The following ASXL2 variants were observed in gnomAD, a reference collection of about 807,000 sequenced individuals.
ASXL2 encodes putative Polycomb group protein ASXL2.
ASXL2 carries 23 observed loss-of-function variants against 122.0 expected under a neutral mutation model. The ratio of observed to expected loss-of-function variants is 0.19; its 90% CI spans 0.14 to 0.27. The LOEUF is 0.27. Among genes scored for constraint, ASXL2 ranks in the 10% least tolerant of loss-of-function variants. The pLI is 1.00. For missense variants in ASXL2, 1,518 were observed against 1,713.8 expected (o/e 0.89, Z 2.02); for synonymous variants, 650 against 637.0 (o/e 1.02, Z -0.31).
At chr2:25,842,108 G>A (rs1363949325) in intron 2 of ASXL2, among the ~76,000 whole-genome samples, 1 of 146,712 alleles carries the variant, frequency 6.8e-6, no homozygotes, top group Non-Finnish European at 1.5e-5. Flanking sequence ...GCAAAACTCT[G>A]TCTCAAAAAA....
intron 8 of ASXL2, among the ~76,000 whole-genome samples, chr2:25,761,534 T>G (rs2088243718): frequency 6.6e-6 from 1 of 151,412 alleles, no homozygotes; most frequent in African/African-American, 2.4e-5. Context: ...TCAGCCGGGC[T>G]TGGTGGTGCG....
chr2:25,873,450 A>C (rs1305074656), intron 1 of ASXL2, among the ~76,000 whole-genome samples: 1 of 152,016 alleles, frequency 6.6e-6, no homozygotes, highest in Non-Finnish European at 1.5e-5. Flanking sequence ...TTCCTATATC[A>C]AAGTAATTAG....
intron 1 of ASXL2, among the ~76,000 whole-genome samples, chr2:25,867,922 C>T (rs1574456293): frequency 6.6e-6 from 1 of 152,222 alleles, no homozygotes; most frequent in African/African-American, 2.4e-5. Context: ...CCTGCTCTAT[C>T]ATACTCCCAA....
Position 25,753,517 on chromosome 2 carries a change from A to C in ASXL2, c.1142+17T>G. ...TAGGAATTAACATTTGGTTTATAGAACCTGTCCTAATATTACCTCTGCCCA... is the reference window on the plus strand; with the variant it reads ...TAGGAATTAACATTTGGTTTATAGACCCTGTCCTAATATTACCTCTGCCCA... On this transcript the variant is annotated intron_variant, in intron 11 of 12. Transcript: ENST00000435504. 1 of 1,594,474 alleles carries C rather than the reference A, an allele frequency of 6.3e-7. No individual in the cohort carries two copies. Among genetic ancestry groups the C allele is most frequent in the Middle Eastern group, 1.7e-4 (1 of 6,014 alleles).
At chr2:25,800,618 G>A (rs1392758999) in intron 4 of ASXL2, among the ~76,000 whole-genome samples, 1 of 152,198 alleles carries the variant, frequency 6.6e-6, no homozygotes, top group Non-Finnish European at 1.5e-5. Flanking sequence ...AGCTTAGCAT[G>A]TGAGAGATAT....
In ASXL2 at chr2:25,771,495, G is replaced by A; in HGVS notation, c.449C>T (p.Pro150Leu). Residue 150 changes from proline to leucine, a missense_variant, in exon 6 of 13, where the codon CCA becomes CTA. Pro to Leu is a moderately conservative substitution (Grantham distance 98). Around this residue, in one of 8 missense-constraint regions of ASXL2, gnomAD observed 198 missense variants for 209.0 expected, o/e 0.95. Transcript: ENST00000435504. ...TGATGGAGAAATGACTTTACCTGCT[G>A]GAATGGTGGGTGATGGGCAGCCTGA... ...PQSGCPSPTI[P>L]AGKVISPSQK... is the part of the protein sequence containing the mutation. The A allele has an allele frequency of 6.2e-7, 1 of 1,613,790 alleles. No homozygotes were observed.
rs2087699781 is a variant in ASXL2 at position 25,734,362 on chromosome 2, A to G, written c.*7667T>C. 1 of 152,210 alleles carries G rather than the reference A, an allele frequency of 6.6e-6. No homozygotes were observed. The highest frequency in any genetic ancestry group is 1.5e-5 in the Non-Finnish European group (1 of 68,032). The allele number at this position is 152,210 out of a possible 1,614,324, so 9.4% of individuals were successfully genotyped here. ...ATATGTAGGTTAAGCTGGGGTCACT[A>G]CTGAAGAAGTCTCCAAACTACTGAA... On this transcript the variant is annotated 3_prime_UTR_variant, in exon 13 of 13. Transcript: ENST00000435504.
intron 3 of ASXL2, among the ~76,000 whole-genome samples, chr2:25,811,055 TACAC>T (rs34006530): frequency 0.017 from 1,963 of 116,392 alleles, 34 homozygotes; most frequent in East Asian, 0.074. Flanking sequence ...AATACAAAAA[TACAC>T]ACACACACAC....
intron 9 of ASXL2, among the ~76,000 whole-genome samples, chr2:25,758,241 AGTTTT>A (rs936685990): frequency 9.9e-5 from 15 of 152,238 alleles, no homozygotes; most frequent in Non-Finnish European, 1.9e-4. Context: ...AGAAAGATTT[AGTTTT>A]ATTTCAGTAA....
intron 9 of ASXL2, among the ~76,000 whole-genome samples, chr2:25,757,921 CAAAAAA>C (rs10524530): frequency 1.6e-5 from 2 of 127,354 alleles, no homozygotes; most frequent in Non-Finnish European, 3.3e-5. Context: ...GAGTCTTTAA[CAAAAAA>C]AAAAAAAAAA....
chr2:25,744,754 G>A lies in ASXL2; in HGVS notation c.1861-278C>T, dbSNP rs1344630446. On this transcript the variant is annotated intron_variant, in intron 12 of 12. Transcript: ENST00000435504. The surrounding 1 kb of genome is among the most constrained non-coding windows in gnomAD (Gnocchi z 4.7). ...TTTCCTATCTCAACTCCCTCCTAAT[G>A]CCACTATTACAAGTGCTTATTATGA... Among the ~76,000 whole-genome samples the A allele has an allele frequency of 2.0e-5, 3 of 152,000 alleles. No homozygotes were observed. Among genetic ancestry groups the A allele is most frequent in the African/African-American group, 7.3e-5 (3 of 41,366 alleles).
chr2:25,853,130 T>G (rs148791106), intron 1 of ASXL2, among the ~76,000 whole-genome samples: 137 of 152,312 alleles, frequency 9.0e-4, no homozygotes, highest in African/African-American at 3.2e-3. Context: ...ACATACGGTT[T>G]TTGACAAATC....
chr2:25,754,084 G>A (rs1403704362), intron 10 of ASXL2, among the ~76,000 whole-genome samples: 1 of 152,084 alleles, frequency 6.6e-6, no homozygotes, highest in African/African-American at 2.4e-5. Flanking sequence ...ACCTCTAACT[G>A]CATAAAGAAA....
At chr2:25,756,231 T>A in intron 9 of ASXL2, 117 bp from the exon 10 acceptor site, 1 of 463,012 alleles carries the variant, frequency 2.2e-6, no homozygotes, top group Non-Finnish European at 3.6e-6. Context: ...AATAGAAATA[T>A]AACTATCTCA....
chr2:25,772,801 A>C (rs1438029895), intron 5 of ASXL2, among the ~76,000 whole-genome samples: 3 of 151,666 alleles, frequency 2.0e-5, no homozygotes, highest in African/African-American at 7.3e-5. Context: ...AAAATGTAGA[A>C]GCATAGCTCA....
intron 3 of ASXL2, among the ~76,000 whole-genome samples, chr2:25,827,233 C>T (rs1291218579): frequency 6.6e-6 from 1 of 152,082 alleles, no homozygotes; most frequent in African/African-American, 2.4e-5. Flanking sequence ...TGTAAACACA[C>T]ACCCACAATC....
rs2087866295 is a variant in ASXL2 at position 25,743,181 on chromosome 2, G to T, written c.3156C>A (p.His1052Gln). ...KELRDSSIDTHQYHEGLSKAT... is the reference protein window; with the variant it reads ...KELRDSSIDTQQYHEGLSKAT... The stretch of plus-strand genomic sequence containing the variant: ...CTTTACTTAGTCCTTCGTGGTATTG[G>T]TGTGTGTCAATGCTGGAGTCCCTCA... Residue 1052 changes from histidine (H) to glutamine (Q), a missense_variant, in exon 13 of 13, where the codon CAC becomes CAA. His to Gln is a conservative substitution (Grantham distance 24, BLOSUM62 0). This residue lies in a region of ASXL2 where 831 missense variants were observed against 833.1 expected (regional missense o/e 1.00). Transcript: ENST00000435504. The T allele has an allele frequency of 6.2e-7, 1 of 1,614,006 alleles. No individual in the cohort carries two copies. Among genetic ancestry groups the T allele is most frequent in the African/African-American group, 1.3e-5 (1 of 75,036 alleles).
chr2:25,869,399 T>A (rs922131719), intron 1 of ASXL2, among the ~76,000 whole-genome samples: 1 of 152,094 alleles, frequency 6.6e-6, no homozygotes, highest in Admixed American at 6.6e-5. Context: ...AAAAAAAGAT[T>A]TAGCATTCCT....
intron 7 of ASXL2, 104 bp downstream of exon 7, chr2:25,768,638 A>G: frequency 7.8e-7 from 1 of 1,279,724 alleles, no homozygotes; most frequent in Non-Finnish European, 1.1e-6. Context: ...TTGTGTAAGT[A>G]AATATAATTT....
Sources: gnomAD v4.1 joint callset for allele counts (sites outside exome capture counted in the v4.1 genomes callset) on GRCh38, gnomAD v4.1.1 for gene constraint, gnomAD v4.1.1 regional missense constraint, Gnocchi (gnomAD v3.1) non-coding constraint, MANE v1.5 for transcripts, NCBI Gene and HGNC (gene_info 2026-07-23, HGNC 2026-07-21) for gene names.